The following ATP13A1 variants were observed in gnomAD, a reference collection of about 807,000 sequenced individuals.
ATP13A1 encodes endoplasmic reticulum transmembrane helix translocase.
A neutral mutation model predicts 134.8 loss-of-function variants in ATP13A1; 55 were observed. The ratio of observed to expected loss-of-function variants is 0.41; its 90% CI spans 0.33 to 0.51. The LOEUF (loss-of-function observed/expected upper bound fraction) is 0.51, where lower values mean the gene tolerates loss of function less well. ATP13A1 is among the 20% of genes least tolerant of loss of function. The pLI is 0.29. For missense variants in ATP13A1, 1,389 were observed against 1,652.8 expected, an observed-to-expected ratio of 0.84 and a Z score of 2.77; for synonymous variants, 775 against 725.1, an observed-to-expected ratio of 1.07 and a Z score of -1.10.
At chr19:19,654,206 C>T (rs2062042633) in intron 13 of ATP13A1, 62 bp from the exon 14 acceptor site, 3 of 1,478,634 alleles carry the variant, frequency 2.0e-6, no homozygotes, top group African/African-American at 2.8e-5. Flanking sequence ...CAAGCCCCTA[C>T]CTCTCACCCC....
intron 1 of ATP13A1, chr19:19,662,006 G>A: frequency 1.3e-6 from 2 of 1,544,434 alleles, no homozygotes; most frequent in South Asian, 1.2e-5. Context: ...TCAGTTTACA[G>A]AAGGGGGAAA....
chr19:19,661,837 C>T (rs960063310), intron 1 of ATP13A1, among the ~76,000 whole-genome samples: 3 of 152,158 alleles, frequency 2.0e-5, no homozygotes, highest in African/African-American at 7.2e-5. Flanking sequence ...CATGGGCCTC[C>T]AAAGCAGGCA....
chr19:19,653,474 G>C lies in ATP13A1; in HGVS notation c.2100+310C>G, dbSNP rs949492670. Reference sequence around the variant, plus strand: ...CGGAGGGTGGGCTTTGTGGAGGATGGATGGGTGAGAGGGCTGAGGATGCCA... The same window carrying C: ...CGGAGGGTGGGCTTTGTGGAGGATGCATGGGTGAGAGGGCTGAGGATGCCA... On this transcript the variant is annotated intron_variant, in intron 15 of 25. Transcript: ENST00000357324. This position sits in a 1 kb window ranked among gnomAD's most constrained non-coding sequence, Gnocchi z 4.2. 7.2e-6 allele frequency: 3 copies of C among 418,548 alleles called. No homozygotes were observed. The highest frequency in any genetic ancestry group is 1.3e-5 in the Non-Finnish European group (3 of 232,428). 25.9% of individuals were successfully genotyped at this position (418,548 alleles called of 1,614,324 possible).
Position 19,652,705 on chromosome 19 carries a change from G to T in ATP13A1, c.2116C>A (p.Arg706=). The T allele has an allele frequency of 6.2e-7, 1 of 1,605,750 alleles. No homozygotes were observed. ...LTHQQAREVK[R]EALECSLKFV... ...TTGAGGCTGCACTCCAGGGCCTCCC[G>T]CTTGACCTCCCGGGCCTGCGGACAG... Residue 706 remains arginine, a synonymous_variant, in exon 16 of 26, where the codon CGG becomes AGG. Transcript: ENST00000357324.
At chr19:19,662,983 G>C in intron 1 of ATP13A1, 1 of 573,592 alleles carries the variant, frequency 1.7e-6, no homozygotes, top group Non-Finnish European at 3.3e-6. Flanking sequence ...CCTGGGCGAC[G>C]TATGCTGGGC....
rs759852268 is a variant in ATP13A1, at chr19:19,654,718, A to G, written c.1656-18T>C. The G allele has an allele frequency of 6.2e-7, 1 of 1,603,366 alleles. No individual in the cohort carries two copies. The highest frequency in any genetic ancestry group is 8.5e-7 in the Non-Finnish European group (1 of 1,174,966). Reference sequence around the variant, plus strand: ...TCCCGTCTCTGCAAGGTCGGGGAACAGCTGGTTACAGAGTGCAGGCGGGTA... The same window carrying G: ...TCCCGTCTCTGCAAGGTCGGGGAACGGCTGGTTACAGAGTGCAGGCGGGTA... On this transcript the variant is annotated intron_variant, in intron 12 of 25. Coordinates refer to ENST00000357324, the MANE Select transcript of ATP13A1 (RefSeq NM_020410.3).
Position 19,656,539 on chromosome 19 carries a change from T to C in ATP13A1, c.1083+121A>G, listed in dbSNP as rs2062059623. On this transcript the variant is annotated intron_variant, in intron 7 of 25. Coordinates refer to ENST00000357324, the MANE Select transcript of ATP13A1 (RefSeq NM_020410.3). The surrounding 1 kb of genome is among the most constrained non-coding windows in gnomAD (Gnocchi z 4.6). ...CCGGCTCCCCAGTCCACAGAGCTCA[T>C]CTGTGCCCACACTGCCTCCTCCGCC... The C allele has an allele frequency of 2.7e-6, 3 of 1,100,750 alleles. No individual in the cohort carries two copies. Among genetic ancestry groups the C allele is most frequent in the Admixed American group, 2.1e-5 (1 of 47,226 alleles). 68.2% of individuals were successfully genotyped at this position (1,100,750 alleles called of 1,614,324 possible). A position where few individuals can be genotyped will look rare whatever the true frequency, so the allele number is the denominator to read the frequency against.
chr19:19,647,863 G>A lies in ATP13A1; in HGVS notation c.2633-104C>T, dbSNP rs1264131464. Reference sequence around the variant, plus strand: ...CTGAAGTCCCCCAGCTGGCTCCCGTGAGGACAGTTCCCAGACTTCCCCATT... The same window carrying A: ...CTGAAGTCCCCCAGCTGGCTCCCGTAAGGACAGTTCCCAGACTTCCCCATT... On this transcript the variant is annotated intron_variant, in intron 19 of 25. Transcript: ENST00000357324. This position sits in a 1 kb window ranked among gnomAD's most constrained non-coding sequence, Gnocchi z 4.8. 1.4e-6 allele frequency: 2 copies of A among 1,402,626 alleles called. No homozygotes were observed. Among genetic ancestry groups the A allele is most frequent in the East Asian group, 5.0e-5 (2 of 39,948 alleles). 86.9% of individuals were successfully genotyped at this position (1,402,626 alleles called of 1,614,324 possible).
At chr19:19,646,474 G>C in intron 22 of ATP13A1, 127 bp from the exon 23 acceptor site, 1 of 1,116,964 alleles carries the variant, frequency 9.0e-7, no homozygotes, top group South Asian at 1.5e-5. Flanking sequence ...AAATCCTGGG[G>C]GATTCCATGG....
rs1448043809 is a variant in ATP13A1, at chr19:19,647,611, T to C, written c.2781A>G (p.Pro927=). 6 of 1,613,526 alleles carry C rather than the reference T, an allele frequency of 3.7e-6. No individual in the cohort carries two copies. Among genetic ancestry groups the C allele is most frequent in the African/African-American group, 1.3e-5 (1 of 75,036 alleles). ...TCTTGGGACTCACCCTCTGGGAGGTTGGCTGCTCCTCGGAGGGAGGGAGCC... is the reference window on the plus strand; with the variant it reads ...TCTTGGGACTCACCCTCTGGGAGGTCGGCTGCTCCTCGGAGGGAGGGAGCC... ...RSGLPPSEEQ[P]TSQRDRLSQV... The change falls in exon 20 of 26, where the codon CCA becomes CCG. Residue 927 remains proline (P), a synonymous_variant. Transcript: ENST00000357324. This position sits in a 1 kb window ranked among gnomAD's most constrained non-coding sequence, Gnocchi z 4.8.
rs1291672342 is a variant in ATP13A1 at position 19,655,765 on chromosome 19, G to T, written c.1270-111C>A. The T allele has an allele frequency of 3.5e-5, 54 of 1,535,854 alleles. 1 individual carries two copies. In the South Asian group the frequency reaches 6.3e-4, roughly 18 times the overall value. On this transcript the variant is annotated intron_variant, in intron 9 of 25. Transcript: ENST00000357324. This position sits in a 1 kb window ranked among gnomAD's most constrained non-coding sequence, Gnocchi z 5.7. ...GCCTCTGCACCCTGGCCCAGGTCCA[G>T]GGCCGTGCTGCCAGAGTCAGCCCGT...
rs749189208 is a variant in ATP13A1, at chr19:19,645,706, G to A, written c.3445C>T (p.Leu1149Phe). 50 of 1,588,504 alleles carry A rather than the reference G, an allele frequency of 3.1e-5. No homozygotes were observed. Among genetic ancestry groups the A allele is most frequent in the Non-Finnish European group, 4.3e-5 (50 of 1,167,914 alleles). ...AVSLLAIIGL[L>F]LGSSPDFNSQ... ...TTGAAGTCGGGCGAGGAGCCGAGGAGCAGGCCAATGATGGCCAGGAGTGAA... is the reference window on the plus strand; with the variant it reads ...TTGAAGTCGGGCGAGGAGCCGAGGAACAGGCCAATGATGGCCAGGAGTGAA... Residue 1149 changes from leucine (L) to phenylalanine (F), a missense_variant, in exon 25 of 26, where the codon CTC becomes TTC. Around this residue, in one of 4 missense-constraint regions of ATP13A1, gnomAD observed 228 missense variants for 321.0 expected, o/e 0.71. Coordinates refer to ENST00000357324, the MANE Select transcript of ATP13A1 (RefSeq NM_020410.3). The surrounding 1 kb of genome is among the most constrained non-coding windows in gnomAD (Gnocchi z 4.1).
At position 19,658,776 on chromosome 19, in the gene ATP13A1, G is replaced by A. The variant is rs147092183; in HGVS notation, c.677+825C>T. 2.3e-4 allele frequency among the ~76,000 whole-genome samples: 35 copies of A among 152,310 alleles called. No homozygotes were observed. In the East Asian group the frequency reaches 6.6e-3, roughly 29 times the overall value. Reference sequence around the variant, plus strand: ...CACGGTCTTCCATCACCATTCTGAAGCGCTGAGATGCGTAGACTCGAAACA... The same window carrying A: ...CACGGTCTTCCATCACCATTCTGAAACGCTGAGATGCGTAGACTCGAAACA... On this transcript the variant is annotated intron_variant, in intron 3 of 25. Transcript: ENST00000357324.
Position 19,655,040 on chromosome 19 carries a change from G to C in ATP13A1, c.1655+79C>G. The C allele has an allele frequency of 6.3e-7, 1 of 1,575,716 alleles. No homozygotes were observed. The highest frequency in any genetic ancestry group is 8.6e-7 in the Non-Finnish European group (1 of 1,163,652). On this transcript the variant is annotated intron_variant, in intron 12 of 25. Coordinates refer to ENST00000357324, the MANE Select transcript of ATP13A1 (RefSeq NM_020410.3). The surrounding 1 kb of genome is among the most constrained non-coding windows in gnomAD (Gnocchi z 5.7). Reference sequence around the variant, plus strand: ...GACGGGCCCTCACTGCAAGGGCTTGGGGTGGATGGGCCACCTGTCTCTCGA... The same window carrying C: ...GACGGGCCCTCACTGCAAGGGCTTGCGGTGGATGGGCCACCTGTCTCTCGA...
intron 22 of ATP13A1, chr19:19,646,786 C>T (rs1340558512): frequency 1.0e-5 from 4 of 395,466 alleles, no homozygotes; most frequent in South Asian, 3.5e-5. Context: ...CGGTGTCGCA[C>T]AGGCCTCCCC....
At position 19,659,894 on chromosome 19, in the gene ATP13A1, C is replaced by T; in HGVS notation, c.486+4G>A. ...CCTCCAGGAGCCCAGCAGGCAGTCC[C>T]TACCTCATTGCGGTGCAGGGCCACG... On this transcript the variant is annotated splice_donor_region_variant and intron_variant, in intron 2 of 25. Coordinates refer to ENST00000357324, the MANE Select transcript of ATP13A1 (RefSeq NM_020410.3). 6.3e-7 allele frequency: 1 copy of T among 1,590,780 alleles called. No homozygotes were observed. Among genetic ancestry groups the T allele is most frequent in the African/African-American group, 1.3e-5 (1 of 74,206 alleles).
chr19:19,659,004 T>A (rs2062077644), intron 3 of ATP13A1, among the ~76,000 whole-genome samples: 1 of 152,186 alleles, frequency 6.6e-6, no homozygotes, highest in Non-Finnish European at 1.5e-5. Flanking sequence ...CAGGCTAGAC[T>A]CCTGTGAAGA....
At chr19:19,652,548 C>A (rs369144941) in intron 16 of ATP13A1, 47 bp downstream of exon 16, 12 of 1,574,512 alleles carry the variant, frequency 7.6e-6, no homozygotes, top group Non-Finnish European at 8.6e-6. Context: ...GTCATCTCCT[C>A]GCCTCTATTT....
Position 19,645,854 on chromosome 19 carries a change from G to A in ATP13A1, c.3360+20C>T, listed in dbSNP as rs757515989. On this transcript the variant is annotated intron_variant, in intron 24 of 25. Transcript: ENST00000357324. The surrounding 1 kb of genome is among the most constrained non-coding windows in gnomAD (Gnocchi z 4.1). ...CTGGGTGGGCAGACAGTGAATGTTT[G>A]GGCAGGGCCCAGGCCTTACTTTGTA... 24 of 1,613,068 alleles carry A rather than the reference G, an allele frequency of 1.5e-5. No individual in the cohort carries two copies. Among genetic ancestry groups the A allele is most frequent in the Non-Finnish European group, 2.0e-5 (24 of 1,179,508 alleles).
Sources: gnomAD v4.1 joint callset for allele counts (sites outside exome capture counted in the v4.1 genomes callset) on GRCh38, gnomAD v4.1.1 for gene constraint, gnomAD v4.1.1 regional missense constraint, Gnocchi (gnomAD v3.1) non-coding constraint, MANE v1.5 for transcripts, NCBI Gene and HGNC (gene_info 2026-07-23, HGNC 2026-07-21) for gene names.